The following YME1L1 variants were observed in gnomAD, a reference collection of about 807,000 sequenced individuals.
The protein encoded by YME1L1 is YME1 like 1 ATPase, also known as ATP-dependent zinc metalloprotease YME1L1.
Under a neutral mutation model 90.4 loss-of-function variants are expected in YME1L1, and 39 were observed. The observed-to-expected ratio is 0.43, with a 90% CI of 0.33 to 0.56. The LOEUF is 0.56. YME1L1 is among the 20% of genes least tolerant of loss of function. The pLI, the probability that YME1L1 is intolerant of heterozygous loss-of-function variation, is 0.03. For missense variants in YME1L1, 617 were observed against 868.4 expected (o/e 0.71, Z 3.64); for synonymous variants, 284 against 287.3 (o/e 0.99, Z 0.12).
chr10:27,146,778 T>G (rs1189015407), intron 2 of YME1L1: 1 of 152,980 alleles, frequency 6.5e-6, no homozygotes, highest in Non-Finnish European at 1.5e-5. Context: ...TCTGGACTGA[T>G]GTCTGGGAAT....
Position 27,147,266 on chromosome 10 carries a change from G to A in YME1L1, c.168+1640C>T, listed in dbSNP as rs1385734399. On this transcript the variant is annotated intron_variant, in intron 2 of 18. Transcript: ENST00000376016. Reference sequence around the variant, plus strand: ...CCAACACTTTTGAGAGGCTGAGGTGGGAGGACTGCTTCAGGCCAGGAGTTC... The same window carrying A: ...CCAACACTTTTGAGAGGCTGAGGTGAGAGGACTGCTTCAGGCCAGGAGTTC... 7.5e-6 allele frequency: 5 copies of A among 667,482 alleles called. No individual in the cohort carries two copies. In the South Asian group the frequency reaches 9.8e-5, roughly 13 times the overall value. The allele number at this position is 667,482 out of a possible 1,614,324, so 41.3% of individuals were successfully genotyped here. A position where few individuals can be genotyped will look rare whatever the true frequency, so the allele number is the denominator to read the frequency against.
At chr10:27,154,019 C>G (rs925185795) in intron 1 of YME1L1, among the ~76,000 whole-genome samples, 159 bp downstream of exon 1, 9 of 152,218 alleles carry the variant, frequency 5.9e-5, no homozygotes, top group Non-Finnish European at 7.3e-5. Context: ...GGCCCACTCT[C>G]AGCGTCGTCC....
At chr10:27,143,017 T>G (rs1295245631) in intron 3 of YME1L1, among the ~76,000 whole-genome samples, 1 of 151,730 alleles carries the variant, frequency 6.6e-6, no homozygotes, top group Non-Finnish European at 1.5e-5. Flanking sequence ...GTGCCCAGCC[T>G]ACATTATCTT....
rs755971610 is a variant in YME1L1 at position 27,119,405 on chromosome 10, C to T, written c.1456G>A (p.Gly486Arg). The change falls in exon 14 of 19, where the codon GGA becomes AGA. Residue 486 changes from glycine to arginine, a missense_variant. Coordinates refer to ENST00000376016, the MANE Select transcript of YME1L1 (RefSeq NM_014263.4). ...TTCACAAGATTCTCCAACTCTGCTC[C>T]GGAAAAGCCAACAGTACCTCGAGCT... ...IIARGTVGFS[G>R]AELENLVNQA... 6.2e-7 allele frequency: 1 copy of T among 1,612,966 alleles called. No homozygotes were observed. The highest frequency in any genetic ancestry group is 2.2e-5 in the East Asian group (1 of 44,802).
Position 27,145,789 on chromosome 10 carries a change from G to A in YME1L1, c.169-199C>T, listed in dbSNP as rs1481167639. 3 of 373,008 alleles carry A rather than the reference G, an allele frequency of 8.0e-6. No individual in the cohort carries two copies. The South Asian group carries it at 2.6e-4, about 32-fold the overall frequency. The allele number at this position is 373,008 out of a possible 1,614,324, so 23.1% of individuals were successfully genotyped here. On this transcript the variant is annotated intron_variant, in intron 2 of 18. Transcript: ENST00000376016. ...ATCAGTCATATGAGGTTTGACATAGGTTAAAAAATTATATTCCTAATGGTA... is the reference window on the plus strand; with the variant it reads ...ATCAGTCATATGAGGTTTGACATAGATTAAAAAATTATATTCCTAATGGTA...
intron 7 of YME1L1, among the ~76,000 whole-genome samples, chr10:27,132,581 G>A (rs901789971): frequency 5.3e-5 from 8 of 151,976 alleles, no homozygotes; most frequent in African/African-American, 1.9e-4. Context: ...CAGCACTTTG[G>A]GAGGCTGAGG....
chr10:27,119,529 C>G lies in YME1L1; in HGVS notation c.1412-80G>C, dbSNP rs911381996. 5.4e-6 allele frequency: 8 copies of G among 1,473,014 alleles called. No homozygotes were observed. In the African/African-American group the frequency reaches 1.0e-4, roughly 19 times the overall value. 91.2% of individuals were successfully genotyped at this position (1,473,014 alleles called of 1,614,324 possible). Reference sequence around the variant, plus strand: ...TCTTCACAAAGAACTCACATTCCAACTGGGTGCGTTGGCTCATGCCTGTAA... The same window carrying G: ...TCTTCACAAAGAACTCACATTCCAAGTGGGTGCGTTGGCTCATGCCTGTAA... On this transcript the variant is annotated intron_variant, in intron 13 of 18. Transcript: ENST00000376016.
chr10:27,151,710 T>C (rs1564471424), intron 1 of YME1L1, among the ~76,000 whole-genome samples: 2 of 151,894 alleles, frequency 1.3e-5, no homozygotes, highest in Non-Finnish European at 2.9e-5. Context: ...TGAAACCCCA[T>C]CTCTACTAAA....
chr10:27,123,009 A>G (rs1380940471), intron 10 of YME1L1, 36 bp from the exon 11 acceptor site: 15 of 1,597,658 alleles, frequency 9.4e-6, no homozygotes, highest in African/African-American at 4.1e-5. Flanking sequence ...AAGCTGAAAG[A>G]AAGTCAACAC....
At chr10:27,121,169 C>A (rs1028014280) in intron 12 of YME1L1, among the ~76,000 whole-genome samples, 5 of 152,126 alleles carry the variant, frequency 3.3e-5, no homozygotes, top group African/African-American at 1.2e-4. Context: ...TATTCCCATC[C>A]CCCACAAAGA....
chr10:27,126,549 T>A lies in YME1L1; in HGVS notation c.949+147A>T, dbSNP rs1187146520. 4 of 510,494 alleles carry A rather than the reference T, an allele frequency of 7.8e-6. No individual in the cohort carries two copies. The East Asian group carries it at 1.4e-4, about 18-fold the overall frequency. 31.6% of individuals were successfully genotyped at this position (510,494 alleles called of 1,614,324 possible). A position where few individuals can be genotyped will look rare whatever the true frequency, so the allele number is the denominator to read the frequency against. On this transcript the variant is annotated intron_variant, in intron 9 of 18. Transcript: ENST00000376016. The stretch of plus-strand genomic sequence containing the variant: ...AAAAAAAAAAGGCTATGGAATTGTA[T>A]GTTCAGAATGAACATCTATTTTGTA...
intron 11 of YME1L1, 45 bp downstream of exon 11, chr10:27,122,796 C>G (rs776407020): frequency 1.2e-6 from 2 of 1,607,082 alleles, no homozygotes; most frequent in Middle Eastern, 1.7e-4. Flanking sequence ...ATATCAAATG[C>G]TGGGAGGCAT....
intron 1 of YME1L1, among the ~76,000 whole-genome samples, chr10:27,149,360 C>T (rs1433836990): frequency 1.3e-5 from 2 of 152,096 alleles, no homozygotes; most frequent in African/African-American, 2.4e-5. Context: ...CTCATCGAAA[C>T]ATTTAAAAAA....
rs869122796 is a variant in YME1L1 at position 27,113,219 on chromosome 10, C to CAAAAAA, written c.2008-1105_2008-1100dup. 4.6e-4 allele frequency among the ~76,000 whole-genome samples: 20 copies of CAAAAAA among 43,102 alleles called. 1 individual carries two copies. The highest frequency in any genetic ancestry group is 1.4e-3 in the Admixed American group (3 of 2,186). 28.3% of individuals were successfully genotyped at this position (43,102 alleles called of 152,430 possible). A position where few individuals can be genotyped will look rare whatever the true frequency, so the allele number is the denominator to read the frequency against. On this transcript the variant is annotated intron_variant, in intron 18 of 18. Transcript: ENST00000376016. ...TGGGTGACAGGGCAAGATGCTGTCT[C>CAAAAAA]AAAAAAAAAAAAAAAAAAAAAAAAA...
chr10:27,117,054 CAATT>C (rs1453096794), intron 15 of YME1L1, among the ~76,000 whole-genome samples: 1 of 152,068 alleles, frequency 6.6e-6, no homozygotes. Flanking sequence ...GAAAAACCAG[CAATT>C]AGAGAATAAA....
In YME1L1 at chr10:27,111,367, G is replaced by A. The variant is rs1043786465; in HGVS notation, c.*610C>T. ...CAACCGCGCCCAGCCCTATTTTTTT[G>A]TATTTTAGTAGAGACAGCGTTTCAC... On this transcript the variant is annotated 3_prime_UTR_variant, in exon 19 of 19. Coordinates refer to ENST00000376016, the MANE Select transcript of YME1L1 (RefSeq NM_014263.4). 5 of 154,946 alleles carry A rather than the reference G, an allele frequency of 3.2e-5. No individual in the cohort carries two copies. The highest frequency in any genetic ancestry group is 6.4e-5 in the Admixed American group (1 of 15,548). 9.6% of individuals were successfully genotyped at this position (154,946 alleles called of 1,614,324 possible).
rs143591480 is a variant in YME1L1 at position 27,142,405 on chromosome 10, C to G, written c.412G>C (p.Asp138His). Residue 138 changes from aspartate to histidine, a missense_variant, in exon 4 of 19, where the codon GAT becomes CAT. Asp to His is a moderately conservative substitution (Grantham distance 81). This residue lies in a region of YME1L1 where 311 missense variants were observed against 335.8 expected (regional missense o/e 0.93). Transcript: ENST00000376016. ...TTCATACCTGGCCAGTACTGAAGAT[C>G]TGAACAAATGCTTTGAAGAGCTCTT... The part of the protein sequence containing the change: ...HSRALQSICS[D>H]LQYWPVFIQS... 1.0e-5 allele frequency: 15 copies of G among 1,506,748 alleles called. No individual in the cohort carries two copies. The highest frequency in any genetic ancestry group is 1.3e-5 in the Non-Finnish European group (15 of 1,127,124). 93.3% of individuals were successfully genotyped at this position (1,506,748 alleles called of 1,614,324 possible). A position where few individuals can be genotyped will look rare whatever the true frequency, so the allele number is the denominator to read the frequency against.
chr10:27,114,403 T>C (rs2056790670), intron 18 of YME1L1, 118 bp downstream of exon 18: 9 of 739,502 alleles, frequency 1.2e-5, no homozygotes, highest in African/African-American at 1.8e-5. Context: ...CTATTATCTT[T>C]ATTTTATAAA....
rs750160951 is a variant in YME1L1 at position 27,147,400 on chromosome 10, C to A, written c.168+1506G>T. On this transcript the variant is annotated intron_variant, in intron 2 of 18. Transcript: ENST00000376016. ...TGGATGAGAGAGAAGGCTGATGGAA[C>A]AAGTGAAAGATGGCAAGAACCTGAA... 9 of 1,595,288 alleles carry A rather than the reference C, an allele frequency of 5.6e-6. No individual in the cohort carries two copies. The East Asian group carries it at 1.3e-4, about 24-fold the overall frequency.
Sources: allele counts gnomAD v4.1 joint callset (sites outside exome capture counted in the v4.1 genomes callset), GRCh38; gene constraint gnomAD v4.1.1; regional missense constraint gnomAD v4.1.1; transcripts MANE v1.5; gene names NCBI Gene and HGNC (gene_info 2026-07-23, HGNC 2026-07-21).